EYS: variants seen among roughly 807,000 people sequenced by gnomAD.
EYS encodes the protein protein eyes shut homolog.
In EYS, 250 loss-of-function variants were observed where a neutral mutation model predicts 282.1. That is an observed-to-expected ratio of 0.89 (90% confidence interval 0.80 to 0.98). The LOEUF (loss-of-function observed/expected upper bound fraction) is 0.98. EYS is among the 50% of genes least tolerant of loss of function. EYS has a pLI of 0.00. For synonymous variants in EYS, 1,355 were observed against 1,282.9 expected, an observed-to-expected ratio of 1.06 and a Z score of -1.20; for missense variants, 4,016 against 3,709.0, an observed-to-expected ratio of 1.08 and a Z score of -2.15.
chr6:64,058,024 A>G (rs1771043357), intron 33 of EYS, among the ~76,000 whole-genome samples: 1 of 152,118 alleles, frequency 6.6e-6, no homozygotes, highest in Non-Finnish European at 1.5e-5. Flanking sequence ...GGGTTTCACC[A>G]TGTTGCCCAG....
chr6:64,916,192 T>C (rs1768157330), intron 15 of EYS, among the ~76,000 whole-genome samples: 1 of 152,204 alleles, frequency 6.6e-6, no homozygotes, highest in Admixed American at 6.5e-5. Flanking sequence ...GTATTTATGT[T>C]TTTCTCTTTA....
At chr6:64,648,509 C>G (rs1768435989) in intron 22 of EYS, among the ~76,000 whole-genome samples, 2 of 152,138 alleles carry the variant, frequency 1.3e-5, no homozygotes, top group Admixed American at 1.3e-4. Context: ...TCTGAAACCA[C>G]TACAATCTAT....
chr6:65,453,266 G>A lies in EYS; in HGVS notation c.862+37328C>T, dbSNP rs1312785093. The stretch of plus-strand genomic sequence containing the variant: ...GCACCATGTATAGAGGAGTAGGCTA[G>A]GACATTTAGATAGCATTTGGCATTT... On this transcript the variant is annotated intron_variant, in intron 5 of 42. Coordinates refer to ENST00000503581, the MANE Select transcript of EYS (RefSeq NM_001142800.2). 2.0e-5 allele frequency among the ~76,000 whole-genome samples: 3 copies of A among 151,922 alleles called. No individual in the cohort carries two copies. In the East Asian group the frequency reaches 5.8e-4, roughly 29 times the overall value.
chr6:64,300,265 C>A (rs1193376518), intron 30 of EYS, among the ~76,000 whole-genome samples: 3 of 152,032 alleles, frequency 2.0e-5, no homozygotes, highest in Non-Finnish European at 4.4e-5. Flanking sequence ...CACCCCAGGC[C>A]GACAGGGGCC....
At chr6:64,799,037 CA>C (rs1189838169) in intron 22 of EYS, among the ~76,000 whole-genome samples, 2 of 151,822 alleles carry the variant, frequency 1.3e-5, no homozygotes, top group African/African-American at 4.8e-5. Context: ...TTCTAAAATA[CA>C]AATTTGACCA....
In EYS at chr6:65,200,474, TG is replaced by T. The variant is rs1370441009; in HGVS notation, c.2023+95388del. ...TCTTTCAGCATAAAACTCTGAGGGG[TG>T]GGGGCTTTCCAAGGAGAGGCAGCAG... On this transcript the variant is annotated intron_variant, in intron 12 of 42. Transcript: ENST00000503581. Among the ~76,000 whole-genome samples the T allele has an allele frequency of 2.7e-5, 4 of 150,394 alleles. No homozygotes were observed. The East Asian group carries it at 7.8e-4, about 29-fold the overall frequency.
chr6:64,881,148 C>T (rs1766904751), intron 19 of EYS, among the ~76,000 whole-genome samples: 3 of 151,838 alleles, frequency 2.0e-5, no homozygotes, highest in African/African-American at 7.2e-5. Context: ...GTGCATTAAT[C>T]CAGGTGCAAA....
rs577265601 is a variant in EYS at position 64,700,406 on chromosome 6, A to G, written c.3444-74161T>C. On this transcript the variant is annotated intron_variant, in intron 22 of 42. Coordinates refer to ENST00000503581, the MANE Select transcript of EYS (RefSeq NM_001142800.2). Reference sequence around the variant, plus strand: ...CAGAGCAATCAGGCAATAGAAAGAAATAAAAGGCATCCAGATTGGAAAAGA... The same window carrying G: ...CAGAGCAATCAGGCAATAGAAAGAAGTAAAAGGCATCCAGATTGGAAAAGA... Among the ~76,000 whole-genome samples, 73 of 152,206 alleles carry G rather than the reference A, an allele frequency of 4.8e-4. 1 individual carries two copies. Among genetic ancestry groups the G allele is most frequent in the African/African-American group, 1.6e-3 (65 of 41,566 alleles).
chr6:65,597,712 C>T (rs1765457933), intron 2 of EYS, among the ~76,000 whole-genome samples: 1 of 152,006 alleles, frequency 6.6e-6, no homozygotes, highest in Admixed American at 6.6e-5. Context: ...ATGACTGCGG[C>T]TAATATCAAC....
intron 13 of EYS, among the ~76,000 whole-genome samples, chr6:65,051,367 T>A (rs534670425): frequency 6.6e-6 from 1 of 151,696 alleles, no homozygotes; most frequent in East Asian, 1.9e-4. Flanking sequence ...ATCAACAATT[T>A]AGTTTGATGC....
intron 34 of EYS, among the ~76,000 whole-genome samples, chr6:63,998,121 C>T (rs980657446): frequency 6.6e-6 from 1 of 152,110 alleles, no homozygotes; most frequent in African/African-American, 2.4e-5. Context: ...TATAAAGGGA[C>T]ACAAAAGTGC....
At chr6:63,928,566 G>A (rs181428986) in intron 35 of EYS, among the ~76,000 whole-genome samples, 17 of 152,198 alleles carry the variant, frequency 1.1e-4, no homozygotes, top group Non-Finnish European at 2.1e-4. Flanking sequence ...GTGCGCATGC[G>A]TAGGTGCTGA....
At chr6:64,258,906 C>G (rs9362646) in intron 30 of EYS, among the ~76,000 whole-genome samples, 1 of 151,744 alleles carries the variant, frequency 6.6e-6, no homozygotes, top group African/African-American at 2.4e-5. Context: ...AGATGGAATT[C>G]AGGTAGATCA....
chr6:64,591,597 T>C lies in EYS; in HGVS notation c.4270A>G (p.Thr1424Ala), dbSNP rs1045167208. Residue 1424 changes from threonine (T) to alanine (A), a missense_variant, in exon 26 of 43, where the codon ACG becomes GCG. Coordinates refer to ENST00000503581, the MANE Select transcript of EYS (RefSeq NM_001142800.2). ...CQTVALSATP[T>A]TSVIRSIPGA... ...GGAATGCTTCTAATTACTGAAGTCG[T>C]TGGGGTAGCAGATAAAGCAACAGTC... 26 of 1,551,032 alleles carry C rather than the reference T, an allele frequency of 1.7e-5. No homozygotes were observed. The African/African-American group carries it at 2.7e-4, about 16-fold the overall frequency.
chr6:65,594,854 AG>A (rs1765350419), intron 2 of EYS, among the ~76,000 whole-genome samples: 1 of 152,090 alleles, frequency 6.6e-6, no homozygotes, highest in Non-Finnish European at 1.5e-5. Context: ...GGTGTAAGGA[AG>A]GGATCCAGTT....
chr6:65,570,843 T>G (rs552777208), intron 2 of EYS, among the ~76,000 whole-genome samples: 1 of 152,292 alleles, frequency 6.6e-6, no homozygotes, highest in African/African-American at 2.4e-5. Context: ...CCTTTTAAAA[T>G]GAATGTCTTC....
At chr6:65,254,600 T>C (rs1466941047) in intron 12 of EYS, among the ~76,000 whole-genome samples, 1 of 151,904 alleles carries the variant, frequency 6.6e-6, no homozygotes, top group Non-Finnish European at 1.5e-5. Flanking sequence ...TGGTTACACA[T>C]CTTTTAAAAC....
intron 1 of EYS, among the ~76,000 whole-genome samples, chr6:65,679,473 A>C (rs1768743323): frequency 6.6e-6 from 1 of 151,948 alleles, no homozygotes; most frequent in Admixed American, 6.6e-5. Context: ...CACTTTTATG[A>C]GTCACCAAAA....
chr6:64,374,931 C>A (rs1463686177), intron 29 of EYS, among the ~76,000 whole-genome samples: 2 of 152,154 alleles, frequency 1.3e-5, no homozygotes, highest in African/African-American at 4.8e-5. Context: ...TCATTTTGGA[C>A]ATTTCATTCC....
Sources: allele counts gnomAD v4.1 joint callset (sites outside exome capture counted in the v4.1 genomes callset), GRCh38; gene constraint gnomAD v4.1.1; transcripts MANE v1.5; gene names NCBI Gene and HGNC (gene_info 2026-07-23, HGNC 2026-07-21).